Variants in TYR observed in about 807,000 individuals in gnomAD.
TYR encodes the protein LB24-AB.
Under a neutral mutation model 51.5 loss-of-function variants are expected in TYR, and 58 were observed. The observed-to-expected ratio is 1.13, with a 90% CI of 0.91 to 1.40. The LOEUF (loss-of-function observed/expected upper bound fraction) is 1.40, where lower values mean the gene tolerates loss of function less well. Among genes scored for constraint, TYR ranks in the 40% most tolerant of loss-of-function variants. The probability of loss-of-function intolerance (pLI) is 0.00; values close to 1 mark genes in which losing one functional copy is unlikely to be tolerated. For missense variants in TYR, 732 were observed against 647.4 expected, an observed-to-expected ratio of 1.13 and a Z score of -1.42; for synonymous variants, 263 against 235.2, an observed-to-expected ratio of 1.12 and a Z score of -1.08.
chr11:89,198,777 AC>A (rs1943558291), intron 2 of TYR, among the ~76,000 whole-genome samples: 1 of 149,204 alleles, frequency 6.7e-6, no homozygotes, highest in African/African-American at 2.5e-5. Flanking sequence ...ATATTTTTAT[AC>A]TTTAAGTTCT....
intron 3 of TYR, among the ~76,000 whole-genome samples, chr11:89,240,318 C>T (rs1944175319): frequency 6.6e-6 from 1 of 151,962 alleles, no homozygotes; most frequent in Non-Finnish European, 1.5e-5. Context: ...CTATCTAAAA[C>T]CTATCCTATC....
intron 3 of TYR, among the ~76,000 whole-genome samples, chr11:89,256,838 A>G (rs1217052413): frequency 6.6e-6 from 1 of 151,978 alleles, no homozygotes; most frequent in Non-Finnish European, 1.5e-5. Context: ...CTCACAGGGC[A>G]GTAATTCAAA....
chr11:89,191,184 T>C lies in TYR; in HGVS notation c.820-18T>C, dbSNP rs371374855. On this transcript the variant is annotated intron_variant, in intron 1 of 4. Coordinates refer to ENST00000263321, the MANE Select transcript of TYR (RefSeq NM_000372.5). ...AGTGGTGGTGACAATTTGTTTAACATGAGGGTGTTTTGTACAGATTGTCTG... is the reference window on the plus strand; with the variant it reads ...AGTGGTGGTGACAATTTGTTTAACACGAGGGTGTTTTGTACAGATTGTCTG... The C allele has an allele frequency of 1.2e-6, 2 of 1,610,886 alleles. No individual in the cohort carries two copies. Among genetic ancestry groups the C allele is most frequent in the African/African-American group, 1.3e-5 (1 of 74,812 alleles).
chr11:89,215,060 C>A (rs1488960789), intron 2 of TYR, among the ~76,000 whole-genome samples: 1 of 151,916 alleles, frequency 6.6e-6, no homozygotes, highest in African/African-American at 2.4e-5. Context: ...ACTAGATAGA[C>A]AAGGAACTTG....
At chr11:89,210,240 G>A (rs1943734805) in intron 2 of TYR, among the ~76,000 whole-genome samples, 1 of 152,158 alleles carries the variant, frequency 6.6e-6, no homozygotes, top group Non-Finnish European at 1.5e-5. Context: ...TAGATGAATG[G>A]CTAACTAGAA....
rs114382945 is a variant in TYR, at chr11:89,246,862, A to T, written c.1184+18892A>T. On this transcript the variant is annotated intron_variant, in intron 3 of 4. Transcript: ENST00000263321. ...ACAGCAGATTGCTTCCCTGCTGGTG[A>T]CTGCAAGGCTGAAGCTTGCTCAGAA... Among the ~76,000 whole-genome samples the T allele has an allele frequency of 4.0e-3, 602 of 152,248 alleles. 4 individuals carry two copies. Among genetic ancestry groups the T allele is most frequent in the African/African-American group, 0.014 (579 of 41,556 alleles).
At chr11:89,265,975 G>C (rs1944521988) in intron 3 of TYR, among the ~76,000 whole-genome samples, 1 of 151,934 alleles carries the variant, frequency 6.6e-6, no homozygotes, top group Non-Finnish European at 1.5e-5. Context: ...TAAGTACATG[G>C]GAGGATATCT....
At chr11:89,226,049 T>C (rs1281919914) in intron 2 of TYR, among the ~76,000 whole-genome samples, 1 of 152,080 alleles carries the variant, frequency 6.6e-6, no homozygotes, top group Admixed American at 6.6e-5. Flanking sequence ...GTTTGGGACC[T>C]ACTTTAAAAA....
intron 4 of TYR, among the ~76,000 whole-genome samples, chr11:89,287,090 C>T (rs1944797925): frequency 6.6e-6 from 1 of 151,816 alleles, no homozygotes; most frequent in Non-Finnish European, 1.5e-5. Flanking sequence ...ACGCCTTTCT[C>T]ATAGTTACAT....
chr11:89,216,036 T>C (rs1006846202), intron 2 of TYR, among the ~76,000 whole-genome samples: 1 of 152,230 alleles, frequency 6.6e-6, no homozygotes, highest in African/African-American at 2.4e-5. Context: ...ATAATTTTAA[T>C]TGAAACCATA....
chr11:89,216,533 G>A (rs1255753149), intron 2 of TYR, among the ~76,000 whole-genome samples: 5 of 150,504 alleles, frequency 3.3e-5, no homozygotes, highest in Non-Finnish European at 7.4e-5. Flanking sequence ...CACCCCTGTA[G>A]TCTCAGCTAC....
intron 3 of TYR, among the ~76,000 whole-genome samples, chr11:89,231,078 C>T (rs937883658): frequency 6.2e-5 from 9 of 145,860 alleles, no homozygotes; most frequent in South Asian, 4.3e-4. Context: ...GGCTGAGGCA[C>T]GAGAATTGTT....
At chr11:89,248,989 A>G in intron 3 of TYR, among the ~76,000 whole-genome samples, 1 of 152,326 alleles carries the variant, frequency 6.6e-6, no homozygotes, top group Middle Eastern at 3.4e-3. Context: ...TAGAAGCATT[A>G]GAGAGAAGAG....
rs549223136 is a variant in TYR, at chr11:89,185,371, G to A, written c.820-5831G>A. ...AAGGTGGTACCAACAACATGACCAA[G>A]AAAAATGAGCACTCAACACATACTT... On this transcript the variant is annotated intron_variant, in intron 1 of 4. Coordinates refer to ENST00000263321, the MANE Select transcript of TYR (RefSeq NM_000372.5). 2.2e-3 allele frequency among the ~76,000 whole-genome samples: 334 copies of A among 152,208 alleles called. 1 individual carries two copies. Among genetic ancestry groups the A allele is most frequent in the African/African-American group, 7.9e-3 (330 of 41,550 alleles).
intron 3 of TYR, among the ~76,000 whole-genome samples, chr11:89,254,412 G>C (rs72965029): frequency 0.04 from 6,013 of 151,628 alleles, 195 homozygotes; most frequent in East Asian, 0.11. Flanking sequence ...ACAATTCTTT[G>C]AACATCGGAT....
chr11:89,207,829 A>G (rs1269101249), intron 2 of TYR, among the ~76,000 whole-genome samples: 1 of 152,218 alleles, frequency 6.6e-6, no homozygotes, highest in Non-Finnish European at 1.5e-5. Flanking sequence ...TGACCCTTTC[A>G]ATACCAATAT....
intron 4 of TYR, among the ~76,000 whole-genome samples, chr11:89,290,954 G>A (rs183051379): frequency 1.3e-5 from 2 of 152,130 alleles, no homozygotes; most frequent in East Asian, 3.9e-4. Flanking sequence ...CAGATATTCA[G>A]TACGGACTTC....
At chr11:89,283,053 C>G (rs1944737700) in intron 3 of TYR, among the ~76,000 whole-genome samples, 1 of 151,816 alleles carries the variant, frequency 6.6e-6, no homozygotes, top group African/African-American at 2.4e-5. Flanking sequence ...TACAAATCTT[C>G]CCTGTCTCAA....
intron 3 of TYR, 131 bp downstream of exon 3, chr11:89,228,101 C>G (rs189238434): frequency 9.6e-7 from 1 of 1,039,518 alleles, no homozygotes; most frequent in Non-Finnish European, 1.5e-6. Context: ...CAGGTTGTCA[C>G]CAAAACAGAC....
Sources: gnomAD v4.1 joint callset for allele counts (sites outside exome capture counted in the v4.1 genomes callset) on GRCh38, gnomAD v4.1.1 for gene constraint, MANE v1.5 for transcripts, NCBI Gene and HGNC (gene_info 2026-07-23, HGNC 2026-07-21) for gene names.